The following SH3RF3 variants were observed in gnomAD, a reference collection of about 807,000 sequenced individuals.
SH3RF3 encodes the protein SH3 domain containing ring finger 3, also known as E3 ubiquitin-protein ligase SH3RF3.
In SH3RF3, 29 loss-of-function variants were observed where a neutral mutation model predicts 66.3. That is an observed-to-expected ratio of 0.44 (90% CI 0.33 to 0.60). The LOEUF is 0.60. Among genes scored for constraint, SH3RF3 ranks in the 20% least tolerant of loss-of-function variants. The probability of loss-of-function intolerance (pLI) is 0.04; values close to 1 mark genes in which losing one functional copy is unlikely to be tolerated. For missense variants in SH3RF3, 1,194 were observed against 1,190.9 expected (o/e 1.00, Z -0.04); for synonymous variants, 583 against 532.0 (o/e 1.10, Z -1.32).
chr2:109,168,244 A>G lies in SH3RF3; in HGVS notation c.573+38131A>G, dbSNP rs144137369. ...GCTTTTCTGGAGAGATCAAAACTAT[A>G]CATTTTCACCACCTGATGGGGTCTG... On this transcript the variant is annotated intron_variant, in intron 1 of 9. Coordinates refer to ENST00000309415, the MANE Select transcript of SH3RF3 (RefSeq NM_001099289.3). Among the ~76,000 whole-genome samples, 121 of 152,330 alleles carry G rather than the reference A, an allele frequency of 7.9e-4. 1 individual carries two copies. Among genetic ancestry groups the G allele is most frequent in the African/African-American group, 2.7e-3 (112 of 41,566 alleles).
chr2:109,363,891 C>T (rs1683102977), intron 2 of SH3RF3, among the ~76,000 whole-genome samples: 2 of 152,044 alleles, frequency 1.3e-5, no homozygotes, highest in East Asian at 1.9e-4. Flanking sequence ...AGGATTTTTT[C>T]TTTATCTTTT....
intron 2 of SH3RF3, among the ~76,000 whole-genome samples, chr2:109,365,275 C>A (rs977867642): frequency 6.6e-6 from 1 of 152,172 alleles, no homozygotes; most frequent in African/African-American, 2.4e-5. Context: ...AAGGTGTGGG[C>A]CCCCCAGTGA....
intron 1 of SH3RF3, among the ~76,000 whole-genome samples, chr2:109,336,074 T>C (rs996853581): frequency 6.6e-6 from 1 of 152,176 alleles, no homozygotes; most frequent in African/African-American, 2.4e-5. Context: ...TCCCTACATT[T>C]TGAAAATTCA....
intron 1 of SH3RF3, among the ~76,000 whole-genome samples, chr2:109,242,412 G>C (rs1434579025): frequency 6.6e-6 from 1 of 152,184 alleles, no homozygotes; most frequent in Non-Finnish European, 1.5e-5. Flanking sequence ...CACACCCATA[G>C]AGCAGCCCGT....
intron 1 of SH3RF3, among the ~76,000 whole-genome samples, chr2:109,287,233 G>A (rs940718514): frequency 6.6e-6 from 1 of 152,048 alleles, no homozygotes; most frequent in African/African-American, 2.4e-5. Flanking sequence ...TTTTCTGCTC[G>A]GGTCTAGCGA....
chr2:109,155,544 G>A (rs568609341), intron 1 of SH3RF3, among the ~76,000 whole-genome samples: 192 of 152,154 alleles, frequency 1.3e-3, no homozygotes, highest in Admixed American at 3.2e-3. Flanking sequence ...CTCGTGATCC[G>A]CCTGCCTCAG....
chr2:109,357,591 G>A (rs1338097250), intron 2 of SH3RF3, among the ~76,000 whole-genome samples: 1 of 152,194 alleles, frequency 6.6e-6, no homozygotes, highest in East Asian at 1.9e-4. Context: ...CAGATGAGTT[G>A]TGTTTGCTCT....
intron 1 of SH3RF3, among the ~76,000 whole-genome samples, chr2:109,286,859 C>G (rs1681040152): frequency 6.6e-6 from 1 of 152,188 alleles, no homozygotes; most frequent in Non-Finnish European, 1.5e-5. Flanking sequence ...TTCTCCAACT[C>G]TAAATTCGTT....
At chr2:109,185,732 A>G (rs1011930754) in intron 1 of SH3RF3, among the ~76,000 whole-genome samples, 2 of 152,220 alleles carry the variant, frequency 1.3e-5, no homozygotes, top group African/African-American at 4.8e-5. Flanking sequence ...GAGACTTTAG[A>G]CAGACAAAAC....
intron 1 of SH3RF3, among the ~76,000 whole-genome samples, chr2:109,301,945 C>T (rs879212737): frequency 5.3e-5 from 8 of 152,194 alleles, no homozygotes; most frequent in East Asian, 3.9e-4. Flanking sequence ...CCCTCCTTCC[C>T]GCAGCCTCTC....
chr2:109,496,270 C>T (rs1294542591), intron 9 of SH3RF3, among the ~76,000 whole-genome samples: 1 of 152,072 alleles, frequency 6.6e-6, no homozygotes, highest in Non-Finnish European at 1.5e-5. Context: ...TTATAATCCT[C>T]TTGCTAGCTA....
At chr2:109,246,194 A>T (rs559454470) in intron 1 of SH3RF3, among the ~76,000 whole-genome samples, 1 of 152,238 alleles carries the variant, frequency 6.6e-6, no homozygotes, top group Admixed American at 6.5e-5. Context: ...AAGCTGCTGT[A>T]ACAAAATACC....
chr2:109,348,359 C>G (rs1682763793), intron 2 of SH3RF3, among the ~76,000 whole-genome samples: 1 of 152,218 alleles, frequency 6.6e-6, no homozygotes, highest in South Asian at 2.1e-4. Context: ...TACAGAGACC[C>G]TGGTCAGCTC....
At chr2:109,373,073 G>T (rs111642014) in intron 3 of SH3RF3, among the ~76,000 whole-genome samples, 1,863 of 152,218 alleles carry the variant, frequency 0.012, 38 homozygotes, top group African/African-American at 0.037. Context: ...TAGTTTGAAT[G>T]TGCTGCCCAG....
chr2:109,360,367 C>T lies in SH3RF3; in HGVS notation c.850-11219C>T, dbSNP rs80172019. Among the ~76,000 whole-genome samples the T allele has an allele frequency of 6.5e-3, 990 of 152,244 alleles. 10 individuals carry two copies. The highest frequency in any genetic ancestry group is 0.048 in the East Asian group (249 of 5,186). ...TGATGCCAAACAACCACAGATGGTCCGCATGGGTGATACCCTTTGCTTTTT... is the reference window on the plus strand; with the variant it reads ...TGATGCCAAACAACCACAGATGGTCTGCATGGGTGATACCCTTTGCTTTTT... On this transcript the variant is annotated intron_variant, in intron 2 of 9. Coordinates refer to ENST00000309415, the MANE Select transcript of SH3RF3 (RefSeq NM_001099289.3).
At chr2:109,342,462 AAGGGGGCCCTCCATTGAAAGC>A (rs1274737937) in intron 1 of SH3RF3, among the ~76,000 whole-genome samples, 1 of 152,204 alleles carries the variant, frequency 6.6e-6, no homozygotes. Flanking sequence ...GCTAATTGTG[AAGGGGGCCCTCCATTGAAAGC>A]AGGTGGTGAG....
Position 109,448,993 on chromosome 2 carries a change from C to T in SH3RF3, c.1829-177C>T, listed in dbSNP as rs187619420. 1.2e-3 allele frequency among the ~76,000 whole-genome samples: 186 copies of T among 152,320 alleles called. 1 individual carries two copies. The highest frequency in any genetic ancestry group is 4.3e-3 in the African/African-American group (179 of 41,574). On this transcript the variant is annotated intron_variant, in intron 7 of 9. Coordinates refer to ENST00000309415, the MANE Select transcript of SH3RF3 (RefSeq NM_001099289.3). ...GCTTTGGAAGATAGGAATGCATTTTCAGGGTTTCTTGGCCTGTTTCTCCAT... is the reference window on the plus strand; with the variant it reads ...GCTTTGGAAGATAGGAATGCATTTTTAGGGTTTCTTGGCCTGTTTCTCCAT...
intron 3 of SH3RF3, among the ~76,000 whole-genome samples, chr2:109,393,637 C>G (rs958700501): frequency 6.6e-6 from 1 of 152,066 alleles, no homozygotes; most frequent in African/African-American, 2.4e-5. Context: ...CCTTGGCTTC[C>G]TGGATTTCCA....
intron 1 of SH3RF3, among the ~76,000 whole-genome samples, chr2:109,183,075 T>A (rs1029216143): frequency 6.6e-6 from 1 of 152,222 alleles, no homozygotes; most frequent in Non-Finnish European, 1.5e-5. Context: ...AATGACTAAT[T>A]TATTCAGCAC....
Sources: allele counts gnomAD v4.1 joint callset (sites outside exome capture counted in the v4.1 genomes callset), GRCh38; gene constraint gnomAD v4.1.1; transcripts MANE v1.5; gene names NCBI Gene and HGNC (gene_info 2026-07-23, HGNC 2026-07-21).